The following CC2D2A variants were observed in gnomAD, a reference collection of about 807,000 sequenced individuals.
The protein encoded by CC2D2A is coiled-coil and C2 domain-containing protein 2A.
In CC2D2A, 155 loss-of-function variants were observed where a neutral mutation model predicts 212.9. The ratio of observed to expected loss-of-function variants is 0.73; its 90% CI spans 0.64 to 0.83. CC2D2A has a LOEUF of 0.83. Among genes scored for constraint, CC2D2A ranks in the 40% least tolerant of loss-of-function variants. The pLI, the probability that CC2D2A is intolerant of heterozygous loss-of-function variation, is 0.00. For missense variants in CC2D2A, 1,856 were observed against 1,956.2 expected (o/e 0.95, Z 0.97); for synonymous variants, 667 against 686.5 (o/e 0.97, Z 0.44).
At chr4:15,563,069 T>C (rs1276243007) in intron 23 of CC2D2A, among the ~76,000 whole-genome samples, 1 of 152,180 alleles carries the variant, frequency 6.6e-6, no homozygotes, top group Non-Finnish European at 1.5e-5. Context: ...ATAGGCATGT[T>C]TGAGGAACTG....
intron 30 of CC2D2A, among the ~76,000 whole-genome samples, chr4:15,582,606 T>C (rs1194386723): frequency 6.6e-6 from 1 of 152,040 alleles, no homozygotes; most frequent in Admixed American, 6.5e-5. Context: ...AAGAAACAAA[T>C]AAATTCATGA....
chr4:15,530,040 C>T (rs1717755645), intron 13 of CC2D2A, among the ~76,000 whole-genome samples: 1 of 151,418 alleles, frequency 6.6e-6, no homozygotes, highest in Admixed American at 6.6e-5. Context: ...GGTGCGATTT[C>T]GGCTCACTGC....
intron 17 of CC2D2A, among the ~76,000 whole-genome samples, chr4:15,545,622 C>T (rs918411124): frequency 6.6e-5 from 10 of 152,094 alleles, no homozygotes; most frequent in East Asian, 1.9e-4. Flanking sequence ...GATAAGAATG[C>T]CAAGGCAGTT....
intron 1 of CC2D2A, among the ~76,000 whole-genome samples, chr4:15,472,813 C>A (rs759494818): frequency 6.6e-6 from 1 of 152,012 alleles, no homozygotes; most frequent in South Asian, 2.1e-4. Context: ...ATTTTTTGTA[C>A]CCTGTGATGA....
intron 28 of CC2D2A, 85 bp from the exon 29 acceptor site, chr4:15,574,065 T>C (rs1720287019): frequency 1.7e-6 from 2 of 1,194,150 alleles, no homozygotes; most frequent in African/African-American, 1.5e-5. Context: ...GTTCAATTTA[T>C]TAAACAATGA....
chr4:15,548,221 C>A (rs1483331497), intron 17 of CC2D2A, among the ~76,000 whole-genome samples: 4 of 151,646 alleles, frequency 2.6e-5, no homozygotes, highest in African/African-American at 9.7e-5. Flanking sequence ...AGCAAACCCT[C>A]CATTTCCCTA....
chr4:15,511,779 CTT>C (rs1415817785), intron 8 of CC2D2A: 8 of 155,614 alleles, frequency 5.1e-5, no homozygotes, highest in African/African-American at 1.4e-4. Context: ...TGGTCTCTCT[CTT>C]ACCACAACCT....
intron 17 of CC2D2A, 21 bp from the exon 18 acceptor site, chr4:15,550,803 T>G (rs753719940): frequency 1.3e-6 from 2 of 1,534,902 alleles, no homozygotes; most frequent in East Asian, 4.6e-5. Flanking sequence ...TTATTGGCTA[T>G]TTCTCTTCTC....
chr4:15,474,763 T>A (rs1484824443), intron 1 of CC2D2A, among the ~76,000 whole-genome samples: 1 of 152,144 alleles, frequency 6.6e-6, no homozygotes, highest in African/African-American at 2.4e-5. Flanking sequence ...ATGTTTTAAA[T>A]GCCTCTGACC....
intron 18 of CC2D2A, among the ~76,000 whole-genome samples, chr4:15,552,801 T>G (rs1490752343): frequency 6.6e-6 from 1 of 152,208 alleles, no homozygotes; most frequent in Non-Finnish European, 1.5e-5. Flanking sequence ...ACTAAGTAAA[T>G]AAATGTCTTT....
intron 4 of CC2D2A, among the ~76,000 whole-genome samples, chr4:15,499,521 A>C (rs1025479792): frequency 6.6e-6 from 1 of 152,222 alleles, no homozygotes; most frequent in Non-Finnish European, 1.5e-5. Context: ...CAATGTTTTT[A>C]AAACTAATAA....
chr4:15,601,513 A>AT lies in CC2D2A; in HGVS notation c.*89dup. The AT allele has an allele frequency of 1.3e-6, 1 of 764,144 alleles. No homozygotes were observed. The highest frequency in any genetic ancestry group is 2.9e-5 in the East Asian group (1 of 34,724). The allele number at this position is 764,144 out of a possible 1,614,324, so 47.3% of individuals were successfully genotyped here. A position where few individuals can be genotyped will look rare whatever the true frequency, so the allele number is the denominator to read the frequency against. ...ATTATATGCATCACATCAGAAGAAC[A>AT]TATTATTGGCAAATAATAAAATTAT... On this transcript the variant is annotated 3_prime_UTR_variant, in exon 37 of 37. Transcript: ENST00000424120.
rs1434091819 is a variant in CC2D2A at position 15,511,238 on chromosome 4, T to A, written c.541-9T>A. The A allele has an allele frequency of 3.1e-6, 5 of 1,590,776 alleles. No individual in the cohort carries two copies. The highest frequency in any genetic ancestry group is 2.3e-5 in the South Asian group (2 of 86,160). On this transcript the variant is annotated splice_polypyrimidine_tract_variant and intron_variant, in intron 7 of 36. Coordinates refer to ENST00000424120, the MANE Select transcript of CC2D2A (RefSeq NM_001378615.1). ...TGGGAAATTGCGATTGCTCCTTGCT[T>A]TTCGTTAGGTTCCACCTGGCTTCCC...
chr4:15,554,932 A>C, intron 19 of CC2D2A, 140 bp from the exon 20 acceptor site: 1 of 829,928 alleles, frequency 1.2e-6, no homozygotes. Context: ...AAGAAAAATG[A>C]CAAAATCCTT....
chr4:15,599,462 A>C (rs1024323975), intron 35 of CC2D2A, 67 bp from the exon 36 acceptor site: 2 of 1,048,376 alleles, frequency 1.9e-6, no homozygotes, highest in Non-Finnish European at 2.7e-6. Context: ...CCCACTACAT[A>C]CTACATACAT....
In CC2D2A at chr4:15,578,395, G is replaced by C. The variant is rs149289957; in HGVS notation, c.3772-1573G>C. 2.8e-3 allele frequency among the ~76,000 whole-genome samples: 433 copies of C among 152,218 alleles called. 6 individuals are homozygous for C. The highest frequency in any genetic ancestry group is 0.01 in the African/African-American group (420 of 41,538). On this transcript the variant is annotated intron_variant, in intron 29 of 36. Coordinates refer to ENST00000424120, the MANE Select transcript of CC2D2A (RefSeq NM_001378615.1). ...ATATAAGGGGCAGACAAGAACAATT[G>C]GGATAATCTAGATTCTATTTGAGGT...
chr4:15,593,504 C>T (rs1461652908), intron 33 of CC2D2A, among the ~76,000 whole-genome samples: 1 of 152,228 alleles, frequency 6.6e-6, no homozygotes, highest in East Asian at 1.9e-4. Context: ...CTCCAGCTCA[C>T]CTAGCTCCCC....
At position 15,580,008 on chromosome 4, in the gene CC2D2A, A is replaced by G; in HGVS notation, c.3812A>G (p.Glu1271Gly). ...GATGAGAAATTACTTCAAGCAACTG[A>G]GAAGTTTCAAGCTGAATGTGCCTTA... is the stretch of plus-strand genomic sequence containing the variant. ...QEDEKLLQATEKFQAECALKF... is the reference protein window; with the variant it reads ...QEDEKLLQATGKFQAECALKF... Residue 1271 changes from glutamate (E) to glycine (G), a missense_variant, in exon 30 of 37, where the codon GAG (glutamate) becomes GGG (glycine). Glu to Gly is a moderately conservative substitution (Grantham distance 98). Transcript: ENST00000424120. The G allele has an allele frequency of 6.2e-7, 1 of 1,613,880 alleles. No individual in the cohort carries two copies. The highest frequency in any genetic ancestry group is 8.5e-7 in the Non-Finnish European group (1 of 1,179,840).
At position 15,527,628 on chromosome 4, in the gene CC2D2A, GA is replaced by G. The variant is rs1717584514; in HGVS notation, c.1334del (p.Asn445ThrfsTer13). The G allele has an allele frequency of 6.2e-7, 1 of 1,609,578 alleles. No individual in the cohort carries two copies. Among genetic ancestry groups the G allele is most frequent in the Admixed American group, 1.7e-5 (1 of 59,436 alleles). On this transcript the variant is annotated frameshift_variant, in exon 12 of 37. Coordinates refer to ENST00000424120, the MANE Select transcript of CC2D2A (RefSeq NM_001378615.1). LOFTEE classifies it high-confidence loss of function. ...GACCAGTACCTTGCAAGACACCAGA[GA>G]AACAAGGCGAAATTTCTTACTGATA... ...LYDQYLARHQ[R>X]NKAKFLTDKL...
Sources: gnomAD v4.1 joint callset for allele counts (sites outside exome capture counted in the v4.1 genomes callset) on GRCh38, gnomAD v4.1.1 for gene constraint, MANE v1.5 for transcripts, NCBI Gene and HGNC (gene_info 2026-07-23, HGNC 2026-07-21) for gene names.